SIMC1: variants seen among roughly 807,000 people sequenced by gnomAD.
SIMC1 encodes the protein SUMO-interacting motif-containing protein 1.
SIMC1 carries 55 observed loss-of-function variants against 82.3 expected under a neutral mutation model. The observed-to-expected ratio is 0.67, with a 90% confidence interval of 0.54 to 0.84. The LOEUF (loss-of-function observed/expected upper bound fraction) is 0.84. SIMC1 is among the 40% of genes least tolerant of loss of function. The pLI is 0.00. For missense variants in SIMC1, 915 were observed against 1,107.2 expected (o/e 0.83, Z 2.46); for synonymous variants, 353 against 426.3 (o/e 0.83, Z 2.12).
Position 176,338,796 on chromosome 5 carries a change from A to T in SIMC1, c.2413+1650A>T, listed in dbSNP as rs1209009510. On this transcript the variant is annotated intron_variant, in intron 9 of 9. Coordinates refer to ENST00000429602, the MANE Select transcript of SIMC1 (RefSeq NM_001308195.2). ...TTGAGAAAGCTGTTGTAGAGACTTT[A>T]AAAAAAAAAAAAAAGTACTGGATTT... is the stretch of plus-strand genomic sequence containing the variant. 7.2e-4 allele frequency among the ~76,000 whole-genome samples: 11 copies of T among 15,236 alleles called. No individual in the cohort carries two copies. The South Asian group carries it at 9.6e-3, about 13-fold the overall frequency. 10.0% of individuals were successfully genotyped at this position (15,236 alleles called of 152,430 possible).
intron 4 of SIMC1, 126 bp from the exon 5 acceptor site, chr5:176,313,565 T>G: frequency 6.4e-7 from 1 of 1,556,974 alleles, no homozygotes; most frequent in Non-Finnish European, 8.8e-7. Context: ...GGAGCCTCTC[T>G]TTTAAGCACA....
At chr5:176,331,863 G>C (rs1765684556) in intron 7 of SIMC1, among the ~76,000 whole-genome samples, 1 of 151,908 alleles carries the variant, frequency 6.6e-6, no homozygotes, top group Non-Finnish European at 1.5e-5. Context: ...CAGCTACTCA[G>C]GAGGCTGAGG....
intron 7 of SIMC1, among the ~76,000 whole-genome samples, chr5:176,333,784 G>C (rs1450920023): frequency 6.6e-6 from 1 of 151,948 alleles, no homozygotes; most frequent in Non-Finnish European, 1.5e-5. Context: ...TATCTTCTGG[G>C]AATCTAAGTG....
intron 4 of SIMC1, 165 bp from the exon 5 acceptor site, chr5:176,313,526 T>C: frequency 6.4e-7 from 1 of 1,557,482 alleles, no homozygotes; most frequent in Non-Finnish European, 8.8e-7. Flanking sequence ...TCCTCTCTCA[T>C]AATGACCCAG....
At chr5:176,289,617 C>T (rs1218187459) in intron 1 of SIMC1, 37 bp from the exon 2 acceptor site, 10 of 1,485,882 alleles carry the variant, frequency 6.7e-6, no homozygotes, top group Non-Finnish European at 6.3e-6. Context: ...CTAATACTCC[C>T]ATCTTGACCT....
At chr5:176,340,335 T>C (rs1766084211) in intron 9 of SIMC1, among the ~76,000 whole-genome samples, 1 of 152,180 alleles carries the variant, frequency 6.6e-6, no homozygotes, top group Non-Finnish European at 1.5e-5. Context: ...TGCATAGCCA[T>C]GTGGCTCAAG....
intron 4 of SIMC1, among the ~76,000 whole-genome samples, chr5:176,306,147 G>A (rs1206421000): frequency 6.3e-5 from 4 of 63,338 alleles, no homozygotes; most frequent in Admixed American, 2.8e-4. Flanking sequence ...CAGCCGCCCC[G>A]TCCGGGAGGG....
At chr5:176,246,407 GGTGT>G (rs57262987) in intron 1 of SIMC1, among the ~76,000 whole-genome samples, 8,586 of 136,980 alleles carry the variant, frequency 0.063, 245 homozygotes, top group Admixed American at 0.098. Context: ...ATAGTTCAGG[GGTGT>G]GTGTGTGTGT....
intron 1 of SIMC1, among the ~76,000 whole-genome samples, chr5:176,251,122 G>A (rs1187197602): frequency 6.6e-6 from 1 of 152,150 alleles, no homozygotes; most frequent in Non-Finnish European, 1.5e-5. Context: ...AGCACTTTGG[G>A]AGGCCGAGGT....
At chr5:176,296,753 A>AG (rs201466128) in intron 4 of SIMC1, 9,410 of 158,530 alleles carry the variant, frequency 0.059, 409 homozygotes, top group Middle Eastern at 0.087. Flanking sequence ...CTGCCAAAAA[A>AG]TTCCTATTGA....
intron 1 of SIMC1, among the ~76,000 whole-genome samples, chr5:176,245,926 T>G (rs1351450154): frequency 6.6e-6 from 1 of 152,010 alleles, no homozygotes; most frequent in East Asian, 1.9e-4. Context: ...AAGGTTGTGG[T>G]TTTTGCAGAG....
Position 176,326,382 on chromosome 5 carries a change from G to GT in SIMC1, c.2171+1635dup, listed in dbSNP as rs796103599. On this transcript the variant is annotated intron_variant, in intron 7 of 9. Coordinates refer to ENST00000429602, the MANE Select transcript of SIMC1 (RefSeq NM_001308195.2). ...ACATTAATTATCTCATTTGTTTTCT[G>GT]TTTTTTTTTTCTTTTTCTTTTTCTT... Among the ~76,000 whole-genome samples the GT allele has an allele frequency of 3.9e-3, 582 of 148,236 alleles. 2 individuals are homozygous for GT. The highest frequency in any genetic ancestry group is 0.012 in the African/African-American group (488 of 40,494).
chr5:176,309,057 G>A, intron 4 of SIMC1: 17 of 739,658 alleles, frequency 2.3e-5, no homozygotes, highest in Non-Finnish European at 3.9e-5. Flanking sequence ...CCAGTGTAAA[G>A]TTACTTAAGC....
intron 4 of SIMC1, among the ~76,000 whole-genome samples, chr5:176,306,031 T>G (rs1286758564): frequency 1.6e-4 from 4 of 25,576 alleles, no homozygotes; most frequent in African/African-American, 4.5e-4. Context: ...GGGAGGGAGG[T>G]TGGGGGGGGT....
chr5:176,283,970 C>T (rs1430178314), intron 1 of SIMC1, among the ~76,000 whole-genome samples: 1 of 152,042 alleles, frequency 6.6e-6, no homozygotes, highest in Non-Finnish European at 1.5e-5. Context: ...AACAAGAAGA[C>T]CTAACTATCC....
chr5:176,290,370 T>A lies in SIMC1; in HGVS notation c.846T>A (p.Ser282=). The change falls in exon 2 of 10, where the codon TCT becomes TCA. Residue 282 remains serine (S), a synonymous_variant. Coordinates refer to ENST00000429602, the MANE Select transcript of SIMC1 (RefSeq NM_001308195.2). ...ATATCCCAGGCCCACCTCAAGACTC[T>A]CTGGGCCTACCTCAAGATGTGCCAG... ...RQNIPGPPQD[S]LGLPQDVPGL... 1 of 1,613,944 alleles carries A rather than the reference T, an allele frequency of 6.2e-7. No individual in the cohort carries two copies. The highest frequency in any genetic ancestry group is 8.5e-7 in the Non-Finnish European group (1 of 1,179,874).
intron 1 of SIMC1, among the ~76,000 whole-genome samples, chr5:176,247,354 A>G (rs1252455219): frequency 6.6e-6 from 1 of 152,142 alleles, no homozygotes; most frequent in African/African-American, 2.4e-5. Context: ...TTCTCTAATG[A>G]CCAGTGATGA....
chr5:176,276,658 T>C (rs1054023436), intron 1 of SIMC1, among the ~76,000 whole-genome samples: 1 of 140,848 alleles, frequency 7.1e-6, no homozygotes, highest in Non-Finnish European at 1.5e-5. Context: ...CCATGTGATC[T>C]CATTGTTCAA....
intron 2 of SIMC1, among the ~76,000 whole-genome samples, chr5:176,292,368 T>C (rs1763619755): frequency 6.6e-6 from 1 of 152,170 alleles, no homozygotes; most frequent in Non-Finnish European, 1.5e-5. Flanking sequence ...CTTGAAACAG[T>C]TCAGTGTCAA....
Sources: gnomAD v4.1 joint callset for allele counts (sites outside exome capture counted in the v4.1 genomes callset) on GRCh38, gnomAD v4.1.1 for gene constraint, MANE v1.5 for transcripts, NCBI Gene and HGNC (gene_info 2026-07-23, HGNC 2026-07-21) for gene names.